ATP11C: variants seen among roughly 807,000 people sequenced by gnomAD.
The protein encoded by ATP11C is phospholipid-transporting ATPase IG.
In ATP11C, 36 loss-of-function variants were observed where a neutral mutation model predicts 97.4. The observed-to-expected ratio is 0.37, with a 90% CI of 0.28 to 0.49. The LOEUF (loss-of-function observed/expected upper bound fraction) is 0.49. Among genes scored for constraint, ATP11C ranks in the 20% least tolerant of loss-of-function variants. The pLI is 0.98. For missense variants in ATP11C, 730 were observed against 824.6 expected, an observed-to-expected ratio of 0.89 and a Z score of 1.40; for synonymous variants, 275 against 290.9, an observed-to-expected ratio of 0.95 and a Z score of 0.56.
At chrX:139,917,671 T>C (rs1298574164) in intron 1 of ATP11C, among the ~76,000 whole-genome samples, 1 of 111,462 alleles carries the variant, frequency 9.0e-6, no homozygotes, top group Non-Finnish European at 1.9e-5. Context: ...AGACAGCTAT[T>C]ATAGGTCAGG....
intron 1 of ATP11C, among the ~76,000 whole-genome samples, chrX:139,919,792 G>A (rs2148163447): frequency 9.1e-6 from 1 of 110,101 alleles, no homozygotes; most frequent in South Asian, 3.9e-4. Context: ...GGTGGTGCAC[G>A]CCTGTTGTCC....
chrX:139,919,771 T>C (rs2085224733), intron 1 of ATP11C, among the ~76,000 whole-genome samples: 2 of 108,348 alleles, frequency 1.8e-5, no homozygotes, highest in Admixed American at 9.9e-5. Context: ...AATACAAAAA[T>C]AGCCGGGTGT....
intron 21 of ATP11C, among the ~76,000 whole-genome samples, chrX:139,762,502 G>A (rs2082057244): frequency 9.0e-6 from 1 of 111,336 alleles, no homozygotes. Flanking sequence ...AGTTCAATGA[G>A]AAGACGGTGA....
intron 2 of ATP11C, among the ~76,000 whole-genome samples, chrX:139,823,674 G>C (rs1473429870): frequency 8.9e-6 from 1 of 112,037 alleles, no homozygotes; most frequent in African/African-American, 3.2e-5. Flanking sequence ...TAAAAATAAA[G>C]TAGTAGATAT....
chrX:139,852,452 C>G (rs12689983), intron 1 of ATP11C, among the ~76,000 whole-genome samples: 1 of 12,260 alleles, frequency 8.2e-5, no homozygotes, highest in Admixed American at 1.3e-3. Flanking sequence ...CTCAGCAATG[C>G]GGGGGGGGGG....
intron 1 of ATP11C, among the ~76,000 whole-genome samples, chrX:139,872,246 T>C (rs1233521476): frequency 1.2e-5 from 1 of 84,963 alleles, no homozygotes; most frequent in African/African-American, 4.8e-5. Context: ...AAGAAGCTTC[T>C]AGGTTCAGGA....
At chrX:139,764,914 C>T (rs2082105895) in intron 20 of ATP11C, among the ~76,000 whole-genome samples, 1 of 111,708 alleles carries the variant, frequency 9.0e-6, no homozygotes, top group Non-Finnish European at 1.9e-5. Context: ...AGAACCCAAA[C>T]TAAATGTGTT....
At chrX:139,802,097 T>C in intron 7 of ATP11C, 139 bp downstream of exon 7, 1 of 471,587 alleles carries the variant, frequency 2.1e-6, no homozygotes. Flanking sequence ...GATTCATTTT[T>C]CTGCCAGAAG....
intron 24 of ATP11C, 88 bp from the exon 25 acceptor site, chrX:139,745,945 C>T: frequency 9.7e-7 from 1 of 1,029,811 alleles, no homozygotes; most frequent in Non-Finnish European, 1.3e-6. Flanking sequence ...GGAATTTGAC[C>T]CTGTTATAAT....
At chrX:139,923,200 T>TAATTGC (rs1438048825) in intron 1 of ATP11C, among the ~76,000 whole-genome samples, 1 of 111,899 alleles carries the variant, frequency 8.9e-6, no homozygotes, top group Admixed American at 9.5e-5. Context: ...ATTGCTCAGG[T>TAATTGC]AATTGCCTCC....
chrX:139,793,466 G>A (rs961730078), intron 12 of ATP11C, among the ~76,000 whole-genome samples: 4 of 110,788 alleles, frequency 3.6e-5, no homozygotes, highest in Non-Finnish European at 7.6e-5. Flanking sequence ...ATCTCTTAGT[G>A]AGACAACTGC....
chrX:139,857,656 C>A (rs1288661902), intron 1 of ATP11C, among the ~76,000 whole-genome samples: 1 of 111,430 alleles, frequency 9.0e-6, no homozygotes, highest in Non-Finnish European at 1.9e-5. Context: ...GCAGCAGGGG[C>A]CACGTGCGTC....
chrX:139,850,581 G>T (rs1430586062), intron 1 of ATP11C, among the ~76,000 whole-genome samples: 1 of 111,504 alleles, frequency 9.0e-6, no homozygotes, highest in African/African-American at 3.3e-5. Context: ...GAGTTGAGAA[G>T]AAAGAAATGA....
intron 1 of ATP11C, among the ~76,000 whole-genome samples, chrX:139,896,323 T>A (rs2084803860): frequency 9.2e-6 from 1 of 109,248 alleles, no homozygotes; most frequent in African/African-American, 3.3e-5. Flanking sequence ...ATCAGACAAA[T>A]CCCAATTGAA....
chrX:139,771,723 T>G (rs182594707), intron 19 of ATP11C, among the ~76,000 whole-genome samples: 1,223 of 111,149 alleles, frequency 0.011, 18 homozygotes, highest in African/African-American at 0.038. Context: ...CCCTAGAGAT[T>G]TGTGGAAGTT....
At position 139,875,605 on chromosome X, in the gene ATP11C, T is replaced by C. The variant is rs767023557; in HGVS notation, c.28-48782A>G. On this transcript the variant is annotated intron_variant, in intron 1 of 29. Transcript: ENST00000682941. The stretch of plus-strand genomic sequence containing the variant: ...AAGTAAGACCCTGTCTCAAAAAAAA[T>C]AAAAAATAAAAAAACAATACTCCTG... Among the ~76,000 whole-genome samples, 46 of 109,471 alleles carry C rather than the reference T, an allele frequency of 4.2e-4. 1 individual carries two copies. The highest frequency in any genetic ancestry group is 1.4e-3 in the African/African-American group (43 of 30,066).
intron 1 of ATP11C, among the ~76,000 whole-genome samples, chrX:139,917,727 A>AG (rs1265880245): frequency 9.0e-6 from 1 of 111,231 alleles, no homozygotes; most frequent in East Asian, 2.8e-4. Flanking sequence ...AGGCCAAGGC[A>AG]GGGGGATCAC....
chrX:139,797,383 A>C, intron 10 of ATP11C, 57 bp from the exon 11 acceptor site: 1 of 934,348 alleles, frequency 1.1e-6, no homozygotes, highest in South Asian at 2.6e-5. Context: ...GATATGAATT[A>C]AACTACTGAG....
chrX:139,832,090 C>T, intron 1 of ATP11C: 2 of 1,072,917 alleles, frequency 1.9e-6, no homozygotes, highest in South Asian at 2.2e-5. Context: ...AGGAATAAAG[C>T]AGGCCCCAAG....
Sources: allele counts gnomAD v4.1 joint callset (sites outside exome capture counted in the v4.1 genomes callset), GRCh38; gene constraint gnomAD v4.1.1; transcripts MANE v1.5; gene names NCBI Gene and HGNC (gene_info 2026-07-23, HGNC 2026-07-21).